Variants in SGCD observed in about 807,000 individuals in gnomAD.
SGCD encodes sarcoglycan delta, also known as delta-sarcoglycan.
Under a neutral mutation model 36.6 loss-of-function variants are expected in SGCD, and 18 were observed. The ratio of observed to expected loss-of-function variants is 0.49; its 90% CI spans 0.34 to 0.73. SGCD has a LOEUF of 0.73. Ranked by LOEUF, SGCD falls within the 30% of genes least tolerant of loss-of-function variation. The pLI, the probability that SGCD is intolerant of heterozygous loss-of-function variation, is 0.01. For missense variants in SGCD, 387 were observed against 346.7 expected (o/e 1.12, Z -0.92); for synonymous variants, 133 against 130.6 (o/e 1.02, Z -0.12).
intron 3 of SGCD, among the ~76,000 whole-genome samples, chr5:156,279,866 C>G (rs1462486417): frequency 6.6e-6 from 1 of 152,058 alleles, no homozygotes; most frequent in Non-Finnish European, 1.5e-5. Flanking sequence ...TAATGGCCCA[C>G]ACAACACCAA....
At chr5:156,130,538 G>A (rs1208576615) in intron 3 of SGCD, among the ~76,000 whole-genome samples, 1 of 151,994 alleles carries the variant, frequency 6.6e-6, no homozygotes, top group Non-Finnish European at 1.5e-5. Flanking sequence ...ATTGCTTTTA[G>A]TGTCTTTGTC....
At chr5:155,840,639 C>A in the SGCD span, among the ~76,000 whole-genome samples, 11 of 150,974 alleles carry the variant, frequency 7.3e-5, no homozygotes, top group Admixed American at 6.6e-4. Context: ...TATCCAGGTG[C>A]ATGTATTTTC....
chr5:156,097,730 T>A lies in SGCD; in HGVS notation c.-281-20148T>A, dbSNP rs80197772. Among the ~76,000 whole-genome samples the A allele has an allele frequency of 4.7e-4, 71 of 152,332 alleles. No individual in the cohort carries two copies. The East Asian group carries it at 0.013, about 28-fold the overall frequency. ...TTGGTATTAGCATCAGTTGATTATC[T>A]TTTCTTATTCAAGTTGTGATTGCCT... On this transcript the variant is annotated intron_variant, in intron 1 of 9. Transcript: ENST00000517913.
intron 3 of SGCD, among the ~76,000 whole-genome samples, chr5:156,506,985 A>G (rs1249575263): frequency 6.6e-6 from 1 of 152,194 alleles, no homozygotes; most frequent in Non-Finnish European, 1.5e-5. Flanking sequence ...CAAAGACTAC[A>G]TTGGCTGATA....
At chr5:156,033,675 C>T (rs941267928) in intron 1 of SGCD, among the ~76,000 whole-genome samples, 1 of 152,164 alleles carries the variant, frequency 6.6e-6, no homozygotes, top group Non-Finnish European at 1.5e-5. Context: ...AGCTTTCTCA[C>T]ATTTGCAAAT....
Position 156,053,727 on chromosome 5 carries a change from C to T in SGCD, c.-281-64151C>T, listed in dbSNP as rs148979793. On this transcript the variant is annotated intron_variant, in intron 1 of 9. Coordinates refer to the SGCD transcript ENST00000517913. ...GGAAACAATCCAGTTTGCAAGATACCTTAGTGCATTCAGGCTGCTATAACA... is the reference window on the plus strand; with the variant it reads ...GGAAACAATCCAGTTTGCAAGATACTTTAGTGCATTCAGGCTGCTATAACA... Among the ~76,000 whole-genome samples the T allele has an allele frequency of 2.3e-4, 34 of 146,148 alleles. 4 individuals are homozygous for T. Among genetic ancestry groups the T allele is most frequent in the African/African-American group, 7.9e-4 (32 of 40,648 alleles).
At chr5:156,604,045 A>G (rs116242983) in intron 6 of SGCD, among the ~76,000 whole-genome samples, 1,713 of 152,066 alleles carry the variant, frequency 0.011, 33 homozygotes, top group African/African-American at 0.039. Context: ...CTTTAGATCT[A>G]GTAATATTTG....
chr5:156,473,289 A>G (rs1755047722), intron 3 of SGCD, among the ~76,000 whole-genome samples: 1 of 152,322 alleles, frequency 6.6e-6, no homozygotes, highest in Admixed American at 6.5e-5. Flanking sequence ...GATGCTCCTC[A>G]AGTTTCCATG....
chr5:156,345,018 G>C (rs2127717068), intron 3 of SGCD, among the ~76,000 whole-genome samples: 1 of 152,284 alleles, frequency 6.6e-6, no homozygotes, highest in Admixed American at 6.5e-5. Context: ...AAAGTATTAA[G>C]TTTTCAGCAA....
At chr5:155,788,691 A>C in the SGCD span, among the ~76,000 whole-genome samples, 6 of 152,136 alleles carry the variant, frequency 3.9e-5, no homozygotes, top group Non-Finnish European at 5.9e-5. Context: ...GCGTATGCCA[A>C]GTATTATGGT....
chr5:156,074,497 C>T (rs890578071), intron 1 of SGCD, among the ~76,000 whole-genome samples: 4 of 152,016 alleles, frequency 2.6e-5, no homozygotes, highest in African/African-American at 4.8e-5. Context: ...GCCTGGACAG[C>T]GTGGGGAAAC....
the SGCD span, among the ~76,000 whole-genome samples, chr5:155,754,129 A>G: frequency 1.3e-5 from 2 of 152,314 alleles, no homozygotes; most frequent in African/African-American, 2.4e-5. Context: ...GAACTGGACT[A>G]TCATTTGGAG....
At chr5:156,268,437 T>C (rs571392632) in intron 3 of SGCD, among the ~76,000 whole-genome samples, 1 of 152,338 alleles carries the variant, frequency 6.6e-6, no homozygotes, top group Non-Finnish European at 1.5e-5. Context: ...CAACAGTGTA[T>C]AAGTGACCAA....
At chr5:156,634,245 C>T (rs955127033) in intron 6 of SGCD, among the ~76,000 whole-genome samples, 2 of 143,184 alleles carry the variant, frequency 1.4e-5, no homozygotes, top group East Asian at 2.3e-4. Flanking sequence ...AACTCCAATG[C>T]GTCACTGGGG....
At chr5:156,358,732 A>C (rs1193908456) in intron 3 of SGCD, among the ~76,000 whole-genome samples, 3 of 152,236 alleles carry the variant, frequency 2.0e-5, no homozygotes, top group African/African-American at 7.2e-5. Context: ...GCATAATTGA[A>C]GAGGGGCTTT....
chr5:156,180,608 T>C (rs1367663321), intron 3 of SGCD, among the ~76,000 whole-genome samples: 4 of 152,166 alleles, frequency 2.6e-5, no homozygotes, highest in Non-Finnish European at 5.9e-5. Context: ...CCTCCAAAGA[T>C]TCACTGAAAA....
At chr5:155,782,648 G>A in the SGCD span, among the ~76,000 whole-genome samples, 1 of 152,148 alleles carries the variant, frequency 6.6e-6, no homozygotes, top group African/African-American at 2.4e-5. Context: ...GGCCTGTTAT[G>A]AGCCGGGCTG....
intron 3 of SGCD, among the ~76,000 whole-genome samples, chr5:156,365,763 A>G (rs1770064090): frequency 6.9e-6 from 1 of 145,676 alleles, no homozygotes; most frequent in South Asian, 2.2e-4. Context: ...ACCTATTTAC[A>G]TGTATGTCTA....
intron 3 of SGCD, among the ~76,000 whole-genome samples, chr5:156,216,242 G>T (rs150827471): frequency 7.6e-4 from 115 of 152,240 alleles, no homozygotes; most frequent in African/African-American, 2.6e-3. Flanking sequence ...AAGTTCAAGA[G>T]ATCTAGTGTA....
Sources: gnomAD v4.1 joint callset for allele counts (sites outside exome capture counted in the v4.1 genomes callset) on GRCh38, gnomAD v4.1.1 for gene constraint, MANE v1.5 for transcripts, NCBI Gene and HGNC (gene_info 2026-07-23, HGNC 2026-07-21) for gene names.